The following FRYL variants were observed in gnomAD, a reference collection of about 807,000 sequenced individuals.
FRYL encodes FRY like transcription coactivator.
FRYL carries 150 observed loss-of-function variants against 351.2 expected under a neutral mutation model. The ratio of observed to expected loss-of-function variants is 0.43; its 90% CI spans 0.37 to 0.49. The LOEUF is 0.49. FRYL is among the 20% of genes least tolerant of loss of function. FRYL has a pLI of 0.00. For missense variants in FRYL, 3,036 were observed against 3,619.3 expected, an observed-to-expected ratio of 0.84 and a Z score of 4.13; for synonymous variants, 1,153 against 1,257.1, an observed-to-expected ratio of 0.92 and a Z score of 1.75.
chr4:48,600,480 G>A (rs1356135785), intron 13 of FRYL, among the ~76,000 whole-genome samples: 1 of 152,038 alleles, frequency 6.6e-6, no homozygotes, highest in Non-Finnish European at 1.5e-5. Context: ...TAATGAAAAT[G>A]AACAATATGC....
chr4:48,745,743 A>AAAT (rs957981826), intron 1 of FRYL, among the ~76,000 whole-genome samples: 2 of 152,162 alleles, frequency 1.3e-5, no homozygotes, highest in Non-Finnish European at 2.9e-5. Flanking sequence ...CCTAGAACTT[A>AAAT]AATAATAATA....
At chr4:48,724,684 G>C (rs994822959) in intron 1 of FRYL, among the ~76,000 whole-genome samples, 3 of 152,084 alleles carry the variant, frequency 2.0e-5, no homozygotes, top group Admixed American at 6.6e-5. Context: ...GATAATAAAT[G>C]ACAAGAATCA....
At chr4:48,663,599 C>G (rs1049889729) in intron 3 of FRYL, among the ~76,000 whole-genome samples, 10 of 150,586 alleles carry the variant, frequency 6.6e-5, no homozygotes, top group African/African-American at 2.2e-4. Context: ...CACGGTGAAA[C>G]CCCGTCTCTA....
intron 1 of FRYL, among the ~76,000 whole-genome samples, chr4:48,744,879 C>G (rs1772493389): frequency 6.6e-6 from 1 of 151,882 alleles, no homozygotes; most frequent in Non-Finnish European, 1.5e-5. Flanking sequence ...GATAGGCACT[C>G]AATATGAAAA....
intron 3 of FRYL, among the ~76,000 whole-genome samples, chr4:48,676,524 G>A (rs1458835423): frequency 6.6e-6 from 1 of 151,814 alleles, no homozygotes; most frequent in East Asian, 1.9e-4. Context: ...TGGGACTACA[G>A]GCTCCCGCCA....
intron 1 of FRYL, among the ~76,000 whole-genome samples, chr4:48,769,457 A>G (rs780692311): frequency 4.6e-5 from 7 of 152,268 alleles, no homozygotes; most frequent in Non-Finnish European, 7.3e-5. Context: ...AGAAACTTTC[A>G]TATCGATGAA....
At chr4:48,507,537 G>GTTAGT (rs1721429477) in intron 59 of FRYL, among the ~76,000 whole-genome samples, 2 of 151,972 alleles carry the variant, frequency 1.3e-5, no homozygotes, top group African/African-American at 4.8e-5. Context: ...CAAACAAACA[G>GTTAGT]TTAGTTAGTT....
chr4:48,620,666 C>A lies in FRYL; in HGVS notation c.287G>T (p.Arg96Met). 6.2e-7 allele frequency: 1 copy of A among 1,613,772 alleles called. No individual in the cohort carries two copies. The change falls in exon 6 of 64, where the codon AGG (arginine) becomes ATG (methionine). Residue 96 changes from arginine (R) to methionine (M), a missense_variant. By Grantham distance (91) the Arg-to-Met change is moderately conservative. Coordinates refer to ENST00000358350, the MANE Select transcript of FRYL (RefSeq NM_015030.2). ...CTTAGACTTTGTGCTAGACCGAGGC[C>A]TATATTCATAAGATTCATCTTCCGT... The part of the protein sequence containing the change: ...NGTEDESYEY[R>M]PRSSTKSKGD...
chr4:48,557,355 G>A (rs1247894054), intron 34 of FRYL, 98 bp downstream of exon 34: 1 of 1,446,476 alleles, frequency 6.9e-7, no homozygotes, highest in Non-Finnish European at 9.4e-7. Flanking sequence ...ATATTTGTTT[G>A]GTTATCACAG....
chr4:48,717,684 G>A lies in FRYL; in HGVS notation c.-383-6986C>T, dbSNP rs142876373. ...GCCTCCAGGGTACCTAGAAGTGCAG[G>A]AGCATGCCACCATGTCTGACTAATT... On this transcript the variant is annotated intron_variant, in intron 1 of 63. Coordinates refer to ENST00000358350, the MANE Select transcript of FRYL (RefSeq NM_015030.2). 3.1e-4 allele frequency among the ~76,000 whole-genome samples: 47 copies of A among 151,464 alleles called. 2 individuals carry two copies. Among genetic ancestry groups the A allele is most frequent in the Admixed American group, 1.7e-3 (26 of 15,076 alleles).
Position 48,590,748 on chromosome 4 carries a change from G to A in FRYL, c.1418C>T (p.Thr473Ile). The A allele has an allele frequency of 6.2e-7, 1 of 1,613,300 alleles. No individual in the cohort carries two copies. The highest frequency in any genetic ancestry group is 8.5e-7 in the Non-Finnish European group (1 of 1,179,316). Residue 473 changes from threonine to isoleucine, a missense_variant, in exon 17 of 64, where the codon ACA becomes ATA. Coordinates refer to ENST00000358350, the MANE Select transcript of FRYL (RefSeq NM_015030.2). ...QKDGEPPMPT[T>I]GVILPSGNTL... Reference sequence around the variant, plus strand: ...ATTTCCTGAGGGAAGAATAACTCCTGTTGTTGGCATGGGTGGTTCACCATC... The same window carrying A: ...ATTTCCTGAGGGAAGAATAACTCCTATTGTTGGCATGGGTGGTTCACCATC...
At chr4:48,731,109 C>CA (rs1255163997) in intron 1 of FRYL, among the ~76,000 whole-genome samples, 1 of 151,528 alleles carries the variant, frequency 6.6e-6, no homozygotes, top group Non-Finnish European at 1.5e-5. Context: ...CAACAAAGAC[C>CA]AAAAGAAACA....
chr4:48,558,475 T>C (rs2149035824), intron 33 of FRYL, among the ~76,000 whole-genome samples: 1 of 152,282 alleles, frequency 6.6e-6, no homozygotes, highest in East Asian at 1.9e-4. Flanking sequence ...GGTATAGACT[T>C]TTCAGTTCTG....
intron 57 of FRYL, among the ~76,000 whole-genome samples, chr4:48,511,731 A>G (rs1270328606): frequency 6.6e-6 from 1 of 152,184 alleles, no homozygotes; most frequent in Non-Finnish European, 1.5e-5. Context: ...AGCACTAAAG[A>G]ACTTCCAGGA....
rs769789021 is a variant in FRYL at position 48,500,146 on chromosome 4, T to C, written c.8667A>G (p.Glu2889=). 1 of 1,606,220 alleles carries C rather than the reference T, an allele frequency of 6.2e-7. No homozygotes were observed. Among genetic ancestry groups the C allele is most frequent in the Non-Finnish European group, 8.5e-7 (1 of 1,178,468 alleles). The part of the protein sequence containing the change: ...LKEAESASEN[E]EIDISKAAQT... The stretch of plus-strand genomic sequence containing the variant: ...GTGCAGCTTTGGAAATGTCAATTTC[T>C]TCGTTTTCGGAAGCGGACTCAGCTT... Residue 2889 remains glutamate (E), a synonymous_variant, in exon 63 of 64, where the codon GAA becomes GAG. Transcript: ENST00000358350.
At chr4:48,552,128 TG>T (rs1357096398) in intron 36 of FRYL, among the ~76,000 whole-genome samples, 1 of 152,048 alleles carries the variant, frequency 6.6e-6, no homozygotes, top group East Asian at 1.9e-4. Flanking sequence ...TAAATGAAAA[TG>T]CACATGCTAA....
rs1736971519 is a variant in FRYL at position 48,567,182 on chromosome 4, C to T, written c.3169+66G>A. 6.6e-6 allele frequency: 9 copies of T among 1,361,382 alleles called. No homozygotes were observed. Among genetic ancestry groups the T allele is most frequent in the Non-Finnish European group, 9.0e-6 (9 of 996,230 alleles). 84.3% of individuals were successfully genotyped at this position (1,361,382 alleles called of 1,614,324 possible). A position where few individuals can be genotyped will look rare whatever the true frequency, so the allele number is the denominator to read the frequency against. ...TTTATCAACTTAGATTATTAAACCT[C>T]AAGGAAAGAAAAAATATGACGGTTC... On this transcript the variant is annotated intron_variant, in intron 28 of 63. Transcript: ENST00000358350. This position sits in a 1 kb window ranked among gnomAD's most constrained non-coding sequence, Gnocchi z 4.2.
At chr4:48,736,952 A>G (rs1170837547) in intron 1 of FRYL, among the ~76,000 whole-genome samples, 5 of 151,914 alleles carry the variant, frequency 3.3e-5, no homozygotes, top group African/African-American at 1.2e-4. Context: ...TAACTAAGGA[A>G]GAAAGACACA....
chr4:48,569,885 T>G (rs1737870424), intron 27 of FRYL, among the ~76,000 whole-genome samples: 1 of 152,188 alleles, frequency 6.6e-6, no homozygotes, highest in African/African-American at 2.4e-5. Context: ...TGGTCAAGGC[T>G]CACTGTAACC....
Sources: allele counts gnomAD v4.1 joint callset (sites outside exome capture counted in the v4.1 genomes callset), GRCh38; gene constraint gnomAD v4.1.1; non-coding constraint Gnocchi (gnomAD v3.1); transcripts MANE v1.5; gene names NCBI Gene and HGNC (gene_info 2026-07-23, HGNC 2026-07-21).